The following MAGI1 variants were observed in gnomAD, a reference collection of about 807,000 sequenced individuals.
The protein encoded by MAGI1 is membrane associated guanylate kinase, WW and PDZ domain containing 1, also known as membrane-associated guanylate kinase, WW and PDZ domain-containing protein 1.
Under a neutral mutation model 139.9 loss-of-function variants are expected in MAGI1, and 58 were observed. That is an observed-to-expected ratio of 0.41 (90% CI 0.34 to 0.52). The LOEUF (loss-of-function observed/expected upper bound fraction) is 0.52, where lower values mean the gene tolerates loss of function less well. Ranked by LOEUF, MAGI1 falls within the 20% of genes least tolerant of loss-of-function variation. The pLI, the probability that MAGI1 is intolerant of heterozygous loss-of-function variation, is 0.12. For synonymous variants in MAGI1, 812 were observed against 737.9 expected (o/e 1.10, Z -1.63); for missense variants, 1,874 against 1,901.6 (o/e 0.99, Z 0.27).
chr3:65,643,911 A>C (rs915096143), intron 1 of MAGI1, among the ~76,000 whole-genome samples: 4 of 152,184 alleles, frequency 2.6e-5, no homozygotes, highest in African/African-American at 9.6e-5. Flanking sequence ...CTGTCAAAGA[A>C]GACTGAGTAA....
intron 18 of MAGI1, among the ~76,000 whole-genome samples, chr3:65,366,861 A>G (rs1941464859): frequency 6.6e-6 from 1 of 152,178 alleles, no homozygotes; most frequent in South Asian, 2.1e-4. Context: ...TAATGACGCT[A>G]TTTTAACAGC....
At position 65,597,931 on chromosome 3, in the gene MAGI1, G is replaced by T. The variant is rs781593416; in HGVS notation, c.430+24041C>A. 3.3e-4 allele frequency: 148 copies of T among 451,682 alleles called. 1 individual carries two copies. Among genetic ancestry groups the T allele is most frequent in the Middle Eastern group, 2.2e-3 (6 of 2,752 alleles). The allele number at this position is 451,682 out of a possible 1,614,324, so 28.0% of individuals were successfully genotyped here. On this transcript the variant is annotated intron_variant, in intron 2 of 22. Coordinates refer to ENST00000402939, the MANE Select transcript of MAGI1 (RefSeq NM_001033057.2). Reference sequence around the variant, plus strand: ...CTGTAAAGAGAGGCGGGGGTGGGGGGGGGGTGGGACCGAACCCCTTCCTGG... The same window carrying T: ...CTGTAAAGAGAGGCGGGGGTGGGGGTGGGGTGGGACCGAACCCCTTCCTGG...
At chr3:65,510,197 A>G (rs979685173) in intron 2 of MAGI1, among the ~76,000 whole-genome samples, 6 of 152,232 alleles carry the variant, frequency 3.9e-5, no homozygotes, top group African/African-American at 1.4e-4. Flanking sequence ...AACCACAAAG[A>G]TGGGGAAAAA....
intron 1 of MAGI1, among the ~76,000 whole-genome samples, chr3:65,988,924 T>C (rs2066024129): frequency 6.6e-6 from 1 of 152,210 alleles, no homozygotes. Flanking sequence ...TATTTTCTCA[T>C]TCGACCCTTA....
chr3:65,408,947 A>T (rs1237856353), intron 12 of MAGI1, among the ~76,000 whole-genome samples: 1 of 152,236 alleles, frequency 6.6e-6, no homozygotes, highest in Non-Finnish European at 1.5e-5. Flanking sequence ...TAAACAACTT[A>T]GCAAACAATT....
chr3:65,707,921 C>T (rs187404528), intron 1 of MAGI1, among the ~76,000 whole-genome samples: 5 of 152,174 alleles, frequency 3.3e-5, no homozygotes, highest in South Asian at 2.1e-4. Flanking sequence ...ATCCAACCTG[C>T]GGCTGTAACT....
intron 2 of MAGI1, among the ~76,000 whole-genome samples, chr3:65,509,303 C>A (rs1372192792): frequency 6.6e-6 from 1 of 152,148 alleles, no homozygotes; most frequent in South Asian, 2.1e-4. Context: ...GGGGAGGAGC[C>A]AAGATGGCCG....
intron 13 of MAGI1, among the ~76,000 whole-genome samples, chr3:65,400,750 ATTTTTTTTTTTTTTTTTTTTTTTTTT>A (rs767598706): frequency 3.3e-5 from 2 of 60,574 alleles, no homozygotes; most frequent in Admixed American, 2.1e-4. Context: ...CAAAACATTG[ATTTTTTTTTTTTTTTTTTTTTTTTTT>A]TTTTTTTTTT....
chr3:65,910,888 C>T (rs1324389311), intron 1 of MAGI1, among the ~76,000 whole-genome samples: 4 of 15,586 alleles, frequency 2.6e-4, no homozygotes, highest in East Asian at 0.016. Flanking sequence ...GATGGAGACT[C>T]GCTCTGTAGC....
rs773492897 is a variant in MAGI1 at position 65,375,782 on chromosome 3, C to T, written c.3159G>A (p.Ala1053=). ...HSDIVNLIKE[A]GNTVTLRIIP... is the part of the protein sequence containing the mutation. ...TGATGCGGAGGGTAACTGTGTTTCC[C>T]GCTTCCTTGATTAGGTTCACAATGT... Residue 1053 remains alanine, a synonymous_variant, in exon 18 of 23, where the codon GCG becomes GCA. Coordinates refer to ENST00000402939, the MANE Select transcript of MAGI1 (RefSeq NM_001033057.2). 1.8e-5 allele frequency: 29 copies of T among 1,613,894 alleles called. No individual in the cohort carries two copies. Among genetic ancestry groups the T allele is most frequent in the South Asian group, 7.7e-5 (7 of 91,080 alleles).
At chr3:65,753,596 C>T (rs1273497230) in intron 1 of MAGI1, among the ~76,000 whole-genome samples, 1 of 151,688 alleles carries the variant, frequency 6.6e-6, no homozygotes, top group African/African-American at 2.4e-5. Context: ...TGGCACATGC[C>T]TGTAATCCCA....
chr3:65,534,886 C>T (rs769647987), intron 2 of MAGI1, among the ~76,000 whole-genome samples: 15 of 152,258 alleles, frequency 9.9e-5, no homozygotes, highest in Middle Eastern at 6.8e-3. Flanking sequence ...CGAGCCTCTA[C>T]GGGGTGAGTT....
intron 2 of MAGI1, among the ~76,000 whole-genome samples, chr3:65,613,051 A>G (rs2083199956): frequency 6.6e-6 from 1 of 152,204 alleles, no homozygotes; most frequent in Admixed American, 6.6e-5. Flanking sequence ...TAATATGTTA[A>G]TTTTTAAAAA....
At chr3:65,778,846 T>C (rs2038697589) in intron 1 of MAGI1, among the ~76,000 whole-genome samples, 2 of 152,190 alleles carry the variant, frequency 1.3e-5, no homozygotes, top group South Asian at 2.1e-4. Context: ...AAGATTCCAA[T>C]ATACTCCAGA....
intron 1 of MAGI1, among the ~76,000 whole-genome samples, chr3:65,753,024 G>A (rs919385083): frequency 1.3e-5 from 2 of 152,092 alleles, no homozygotes; most frequent in Admixed American, 6.6e-5. Context: ...CCTCAGTAAA[G>A]TCTTCCTGAC....
At chr3:65,611,736 A>ATACATACATAG (rs917539490) in intron 2 of MAGI1, among the ~76,000 whole-genome samples, 26 of 146,602 alleles carry the variant, frequency 1.8e-4, no homozygotes, top group African/African-American at 6.3e-4. Context: ...CTGTATGTGT[A>ATACATACATAG]TACATACATA....
At chr3:65,741,022 G>A (rs1576961940) in intron 1 of MAGI1, among the ~76,000 whole-genome samples, 1 of 152,126 alleles carries the variant, frequency 6.6e-6, no homozygotes, top group East Asian at 1.9e-4. Flanking sequence ...ATAGTGAGAA[G>A]AGTTTAATGC....
At chr3:65,496,066 G>C (rs1215063506) in intron 2 of MAGI1, among the ~76,000 whole-genome samples, 1 of 152,196 alleles carries the variant, frequency 6.6e-6, no homozygotes, top group Non-Finnish European at 1.5e-5. Context: ...TTCAGAGACA[G>C]AGTCTCGCTC....
intron 2 of MAGI1, among the ~76,000 whole-genome samples, chr3:65,580,924 C>T (rs1393971997): frequency 1.3e-5 from 2 of 152,120 alleles, no homozygotes; most frequent in African/African-American, 2.4e-5. Context: ...AAACAATTAT[C>T]TTCCCCTTCA....
Sources: allele counts gnomAD v4.1 joint callset (sites outside exome capture counted in the v4.1 genomes callset), GRCh38; gene constraint gnomAD v4.1.1; transcripts MANE v1.5; gene names NCBI Gene and HGNC (gene_info 2026-07-23, HGNC 2026-07-21).